Variants in ADAM11 observed in about 807,000 individuals in gnomAD.
The protein encoded by ADAM11 is disintegrin and metalloproteinase domain-containing protein 11.
In ADAM11, 49 loss-of-function variants were observed where a neutral mutation model predicts 119.1. That is an observed-to-expected ratio of 0.41 (90% confidence interval 0.33 to 0.52). The LOEUF is 0.52. ADAM11 is among the 20% of genes least tolerant of loss of function. The pLI, the probability that ADAM11 is intolerant of heterozygous loss-of-function variation, is 0.20. For synonymous variants in ADAM11, 364 were observed against 408.0 expected, an observed-to-expected ratio of 0.89 and a Z score of 1.30; for missense variants, 777 against 1,047.5, an observed-to-expected ratio of 0.74 and a Z score of 3.56.
chr17:44,768,965 C>T (rs1247979830), intron 2 of ADAM11, among the ~76,000 whole-genome samples: 2 of 152,228 alleles, frequency 1.3e-5, no homozygotes, highest in African/African-American at 4.8e-5. Context: ...CCTGGGGGGC[C>T]GCCATCTTGC....
chr17:44,767,859 C>T (rs2049469714), intron 2 of ADAM11, among the ~76,000 whole-genome samples: 1 of 152,224 alleles, frequency 6.6e-6, no homozygotes, highest in South Asian at 2.1e-4. Flanking sequence ...TTGGCCTCTG[C>T]AGAGAGGAAG....
At chr17:44,779,441 G>A (rs912015990) in intron 26 of ADAM11, 34 of 985,238 alleles carry the variant, frequency 3.5e-5, no homozygotes, top group African/African-American at 5.2e-5. Flanking sequence ...CCTCGCCCTC[G>A]CCCGCTCAGG....
chr17:44,761,472 G>A (rs1419714585), intron 2 of ADAM11, among the ~76,000 whole-genome samples: 3 of 152,134 alleles, frequency 2.0e-5, no homozygotes, highest in African/African-American at 7.2e-5. Flanking sequence ...AACTGCTTGG[G>A]TTGGGGGTCT....
At chr17:44,770,106 G>T (rs897239036) in intron 4 of ADAM11, 58 bp downstream of exon 4, 1 of 1,590,374 alleles carries the variant, frequency 6.3e-7, no homozygotes, top group East Asian at 2.3e-5. Context: ...TGTTTCTGTG[G>T]TTCTGTGGTC....
In ADAM11 at chr17:44,779,258, G is replaced by T; in HGVS notation, c.2294+19G>T. ...GAGGAAGGTACGACCCGACCCAGCA[G>T]GGGGCAGTGTGATGCCGGCCACGTC... On this transcript the variant is annotated intron_variant, in intron 26 of 26. Coordinates refer to ENST00000200557, the MANE Select transcript of ADAM11 (RefSeq NM_002390.6). The T allele has an allele frequency of 6.3e-7, 1 of 1,574,928 alleles. No homozygotes were observed. The highest frequency in any genetic ancestry group is 8.6e-7 in the Non-Finnish European group (1 of 1,165,788).
Position 44,772,784 on chromosome 17 carries a change from T to G in ADAM11, c.679-73T>G. ...TCCAGACCCCCCCATCCCCACCGAG[T>G]CTGTTCCTGGCTTGGCCATGAGATC... On this transcript the variant is annotated intron_variant, in intron 8 of 26. Transcript: ENST00000200557. This position sits in a 1 kb window ranked among gnomAD's most constrained non-coding sequence, Gnocchi z 4.5. 1 of 1,397,272 alleles carries G rather than the reference T, an allele frequency of 7.2e-7. No individual in the cohort carries two copies. The highest frequency in any genetic ancestry group is 1.0e-6 in the Non-Finnish European group (1 of 995,576). The allele number at this position is 1,397,272 out of a possible 1,614,324, so 86.6% of individuals were successfully genotyped here. A position where few individuals can be genotyped will look rare whatever the true frequency, so the allele number is the denominator to read the frequency against.
At chr17:44,770,405 A>G (rs1056379189) in intron 4 of ADAM11, among the ~76,000 whole-genome samples, 3 of 152,026 alleles carry the variant, frequency 2.0e-5, no homozygotes, top group Non-Finnish European at 1.5e-5. Flanking sequence ...GGCCCCGAAA[A>G]TCCCAGCTGC....
chr17:44,764,384 G>A (rs558423917), intron 2 of ADAM11, among the ~76,000 whole-genome samples: 1 of 152,328 alleles, frequency 6.6e-6, no homozygotes, highest in East Asian at 1.9e-4. Flanking sequence ...TGGACATGGT[G>A]CCACAGGGGG....
At chr17:44,762,008 G>C (rs2049395203) in intron 2 of ADAM11, among the ~76,000 whole-genome samples, 1 of 152,064 alleles carries the variant, frequency 6.6e-6, no homozygotes, top group Non-Finnish European at 1.5e-5. Context: ...ATTTTTAGTA[G>C]AGATGGGGTT....
Position 44,777,466 on chromosome 17 carries a change from CTA to C in ADAM11, c.1782-12_1782-11del. The C allele has an allele frequency of 6.2e-7, 1 of 1,613,514 alleles. No individual in the cohort carries two copies. Among genetic ancestry groups the C allele is most frequent in the Non-Finnish European group, 8.5e-7 (1 of 1,179,474 alleles). On this transcript the variant is annotated splice_polypyrimidine_tract_variant and intron_variant, in intron 21 of 26. Coordinates refer to ENST00000200557, the MANE Select transcript of ADAM11 (RefSeq NM_002390.6). This position sits in a 1 kb window ranked among gnomAD's most constrained non-coding sequence, Gnocchi z 5.1. ...AGGTCAAACTTGGGGCTCACTGTCT[CTA>C]TATGCCCCAACAGGGACGTGCTGTG...
At chr17:44,767,233 A>G (rs2049461298) in intron 2 of ADAM11, among the ~76,000 whole-genome samples, 1 of 151,374 alleles carries the variant, frequency 6.6e-6, no homozygotes, top group Admixed American at 6.6e-5. Flanking sequence ...GTAGGCACCT[A>G]CAATCCCAGC....
At position 44,772,765 on chromosome 17, in the gene ADAM11, C is replaced by G; in HGVS notation, c.679-92C>G. 8.7e-7 allele frequency: 1 copy of G among 1,154,472 alleles called. No individual in the cohort carries two copies. Among genetic ancestry groups the G allele is most frequent in the East Asian group, 2.4e-5 (1 of 41,606 alleles). The allele number at this position is 1,154,472 out of a possible 1,614,324, so 71.5% of individuals were successfully genotyped here. On this transcript the variant is annotated intron_variant, in intron 8 of 26. Coordinates refer to ENST00000200557, the MANE Select transcript of ADAM11 (RefSeq NM_002390.6). This position sits in a 1 kb window ranked among gnomAD's most constrained non-coding sequence, Gnocchi z 4.5. ...GCACTGTCCCTGGCTGGAGTCCAGA[C>G]CCCCCCATCCCCACCGAGTCTGTTC...
rs745546397 is a variant in ADAM11 at position 44,776,804 on chromosome 17, G to A, written c.1617+9G>A. On this transcript the variant is annotated intron_variant, in intron 19 of 26. Coordinates refer to ENST00000200557, the MANE Select transcript of ADAM11 (RefSeq NM_002390.6). The surrounding 1 kb of genome is among the most constrained non-coding windows in gnomAD (Gnocchi z 5.2). The stretch of plus-strand genomic sequence containing the variant: ...ACTGTGACCATGAGCAGGTATGATG[G>A]CTGCCCCCTGAGCCTGGGATTCAGG... 3.7e-6 allele frequency: 6 copies of A among 1,614,022 alleles called. No individual in the cohort carries two copies. The highest frequency in any genetic ancestry group is 4.5e-5 in the East Asian group (2 of 44,898).
intron 2 of ADAM11, among the ~76,000 whole-genome samples, chr17:44,764,131 G>T (rs2049420638): frequency 6.6e-6 from 1 of 152,182 alleles, no homozygotes; most frequent in African/African-American, 2.4e-5. Flanking sequence ...GGTGACTAGG[G>T]TCAGGGGTGA....
chr17:44,781,606 T>C lies in ADAM11; in HGVS notation c.*1852T>C, dbSNP rs1196098748. 3.3e-5 allele frequency: 5 copies of C among 152,354 alleles called. No individual in the cohort carries two copies. The highest frequency in any genetic ancestry group is 1.2e-4 in the African/African-American group (5 of 41,476). 9.4% of individuals were successfully genotyped at this position (152,354 alleles called of 1,614,324 possible). On this transcript the variant is annotated 3_prime_UTR_variant, in exon 27 of 27. Coordinates refer to ENST00000200557, the MANE Select transcript of ADAM11 (RefSeq NM_002390.6). ...GCGTATCTGTGTGTGCTCGTGTATA[T>C]GGGGTGGGGAACATGAGACTTCCTG...
intron 2 of ADAM11, among the ~76,000 whole-genome samples, chr17:44,765,047 C>G (rs2049430486): frequency 6.6e-6 from 1 of 152,060 alleles, no homozygotes; most frequent in South Asian, 2.1e-4. Flanking sequence ...GAGTCTGTCC[C>G]CAGAGGGACT....
Position 44,780,227 on chromosome 17 carries a change from G to T in ADAM11, c.*473G>T. The T allele has an allele frequency of 2.2e-6, 1 of 445,648 alleles. No individual in the cohort carries two copies. The highest frequency in any genetic ancestry group is 4.4e-6 in the Non-Finnish European group (1 of 227,216). 27.6% of individuals were successfully genotyped at this position (445,648 alleles called of 1,614,324 possible). A position where few individuals can be genotyped will look rare whatever the true frequency, so the allele number is the denominator to read the frequency against. On this transcript the variant is annotated 3_prime_UTR_variant, in exon 27 of 27. Coordinates refer to ENST00000200557, the MANE Select transcript of ADAM11 (RefSeq NM_002390.6). ...TCTTAATCGATGAATGTAAACTCGG[G>T]GGTGCTGGGGCCAGGGCAGATGTGG... is the stretch of plus-strand genomic sequence containing the variant.
In ADAM11 at chr17:44,759,123, C is replaced by G. The variant is rs2049356945; in HGVS notation, c.-77C>G. On this transcript the variant is annotated 5_prime_UTR_variant, in exon 1 of 27. Transcript: ENST00000200557. Reference sequence around the variant, plus strand: ...GCCCCGGCTCCGCAGCTGGCGCCTCCCCACCCCCGTCCCTGCTCCCGCCCT... The same window carrying G: ...GCCCCGGCTCCGCAGCTGGCGCCTCGCCACCCCCGTCCCTGCTCCCGCCCT... 1.2e-6 allele frequency: 1 copy of G among 839,434 alleles called. No individual in the cohort carries two copies. Among genetic ancestry groups the G allele is most frequent in the Non-Finnish European group, 1.5e-6 (1 of 651,152 alleles). The allele number at this position is 839,434 out of a possible 1,614,324, so 52.0% of individuals were successfully genotyped here. A position where few individuals can be genotyped will look rare whatever the true frequency, so the allele number is the denominator to read the frequency against.
At position 44,774,600 on chromosome 17, in the gene ADAM11, C is replaced by A. The variant is rs754629892; in HGVS notation, c.1168+18C>A. On this transcript the variant is annotated intron_variant, in intron 13 of 26. Transcript: ENST00000200557. The stretch of plus-strand genomic sequence containing the variant: ...CTCGGCAGGTATCCTCCCCCAGAGG[C>A]CCCCGTGTGGCCCACGCCCAGCAGC... 13 of 1,609,486 alleles carry A rather than the reference C, an allele frequency of 8.1e-6. No individual in the cohort carries two copies. The highest frequency in any genetic ancestry group is 6.7e-5 in the East Asian group (3 of 44,828).
Sources: gnomAD v4.1 joint callset for allele counts (sites outside exome capture counted in the v4.1 genomes callset) on GRCh38, gnomAD v4.1.1 for gene constraint, Gnocchi (gnomAD v3.1) non-coding constraint, MANE v1.5 for transcripts, NCBI Gene and HGNC (gene_info 2026-07-23, HGNC 2026-07-21) for gene names.